CPVL: variants seen among roughly 807,000 people sequenced by gnomAD.
The protein encoded by CPVL is carboxypeptidase vitellogenic like.
Under a neutral mutation model 63.7 loss-of-function variants are expected in CPVL, and 51 were observed. That is an observed-to-expected ratio of 0.80 (90% confidence interval 0.64 to 1.01). CPVL has a LOEUF of 1.01. Among genes scored for constraint, CPVL ranks in the 50% least tolerant of loss-of-function variants. The probability of loss-of-function intolerance (pLI) is 0.00; values close to 1 mark genes in which losing one functional copy is unlikely to be tolerated. For synonymous variants in CPVL, 195 were observed against 206.0 expected, an observed-to-expected ratio of 0.95 and a Z score of 0.46; for missense variants, 530 against 573.1, an observed-to-expected ratio of 0.92 and a Z score of 0.77.
intron 1 of CPVL, among the ~76,000 whole-genome samples, chr7:29,123,628 A>AAAT (rs1562780901): frequency 6.7e-4 from 28 of 41,770 alleles, no homozygotes; most frequent in Non-Finnish European, 1.0e-3. Flanking sequence ...AAAAAAAAAA[A>AAAT]ATATATATAT....
At chr7:29,144,327 G>A (rs1456573235) in intron 1 of CPVL, among the ~76,000 whole-genome samples, 3 of 149,810 alleles carry the variant, frequency 2.0e-5, no homozygotes, top group Non-Finnish European at 4.5e-5. Context: ...TTGGAAGGCC[G>A]AGGTGGGAGG....
At chr7:29,048,611 C>T (rs1789848771) in intron 11 of CPVL, among the ~76,000 whole-genome samples, 1 of 152,082 alleles carries the variant, frequency 6.6e-6, no homozygotes, top group Non-Finnish European at 1.5e-5. Flanking sequence ...CCACTGACAG[C>T]ACTAGACAGG....
At chr7:29,137,786 T>G (rs1447246205) in intron 1 of CPVL, among the ~76,000 whole-genome samples, 3 of 152,214 alleles carry the variant, frequency 2.0e-5, no homozygotes, top group African/African-American at 7.2e-5. Flanking sequence ...TCATAGAATT[T>G]ATAGCATTTA....
chr7:29,146,955 C>G, upstream of CPVL: 1 of 1,551,078 alleles, frequency 6.4e-7, no homozygotes, highest in Non-Finnish European at 8.7e-7. Context: ...TCCAGCTGCA[C>G]TAGCAGTAAG....
At chr7:29,078,201 CAT>C (rs1302284671) in intron 7 of CPVL, among the ~76,000 whole-genome samples, 1 of 152,282 alleles carries the variant, frequency 6.6e-6, no homozygotes, top group Non-Finnish European at 1.5e-5. Context: ...AATCTACAGG[CAT>C]AGACATATAG....
At position 29,111,707 on chromosome 7, in the gene CPVL, C is replaced by G. The variant is rs1788250386; in HGVS notation, c.288+997G>C. ...GTCAGAGGCCATGTAGTTGAGAGAG[C>G]AGGAAAGAAAAGTCAAGAAAATATA... On this transcript the variant is annotated intron_variant, in intron 3 of 12. Transcript: ENST00000265394. Among the ~76,000 whole-genome samples, 2 of 152,070 alleles carry G rather than the reference C, an allele frequency of 1.3e-5. 1 individual carries two copies. Among genetic ancestry groups the G allele is most frequent in the African/African-American group, 4.8e-5 (2 of 41,414 alleles).
chr7:29,147,223 C>A, upstream of CPVL: 1 of 474,234 alleles, frequency 2.1e-6, no homozygotes, highest in Non-Finnish European at 3.8e-6. Flanking sequence ...GTTGCAATGG[C>A]AAGTAGATAA....
chr7:29,084,653 C>A (rs182901054), intron 7 of CPVL, among the ~76,000 whole-genome samples: 54 of 152,186 alleles, frequency 3.5e-4, no homozygotes, highest in African/African-American at 1.2e-3. Flanking sequence ...TTAAAATAAT[C>A]TTAAAAAGGA....
intron 3 of CPVL, among the ~76,000 whole-genome samples, chr7:29,103,456 T>C (rs113698604): frequency 1.3e-5 from 2 of 149,806 alleles, no homozygotes; most frequent in African/African-American, 4.9e-5. Context: ...GGTTTCACCA[T>C]GTTGGTGAGG....
intron 1 of CPVL, among the ~76,000 whole-genome samples, chr7:29,186,993 C>G (rs1190940730): frequency 6.6e-6 from 1 of 152,078 alleles, no homozygotes; most frequent in South Asian, 2.1e-4. Flanking sequence ...ATGAGGATAA[C>G]AATTCTCACT....
At chr7:29,056,461 CTTCT>C (rs1264387423) in intron 11 of CPVL, among the ~76,000 whole-genome samples, 3 of 152,158 alleles carry the variant, frequency 2.0e-5, no homozygotes, top group Non-Finnish European at 4.4e-5. Flanking sequence ...TTCAGATTGG[CTTCT>C]TTCACTCAGA....
chr7:29,077,311 T>A (rs60191378), intron 7 of CPVL, among the ~76,000 whole-genome samples: 39,982 of 150,316 alleles, frequency 0.27, 6,034 homozygotes, highest in East Asian at 0.6. Context: ...AAAAAAAAAA[T>A]AGATACACTT....
Position 29,137,025 on chromosome 7 carries a change from G to T in CPVL, c.-11+9404C>A, listed in dbSNP as rs537343142. Among the ~76,000 whole-genome samples the T allele has an allele frequency of 1.1e-4, 17 of 152,200 alleles. No homozygotes were observed. In the South Asian group the frequency reaches 3.3e-3, roughly 30 times the overall value. ...TTTATTGTGACTTGCCTGGACTACTGCAAACCTCCAAACTAGTTTCCAACC... is the reference window on the plus strand; with the variant it reads ...TTTATTGTGACTTGCCTGGACTACTTCAAACCTCCAAACTAGTTTCCAACC... On this transcript the variant is annotated intron_variant, in intron 1 of 12. Coordinates refer to ENST00000265394, the MANE Select transcript of CPVL (RefSeq NM_031311.5).
intron 12 of CPVL, among the ~76,000 whole-genome samples, chr7:29,029,810 C>T (rs1787856582): frequency 6.6e-6 from 1 of 151,882 alleles, no homozygotes; most frequent in Admixed American, 6.6e-5. Flanking sequence ...GAAATGTTCC[C>T]AATATAATGA....
intron 3 of CPVL, among the ~76,000 whole-genome samples, chr7:29,098,060 T>TCC (rs1786626611): frequency 6.6e-6 from 1 of 152,084 alleles, no homozygotes; most frequent in African/African-American, 2.4e-5. Flanking sequence ...CGTTGGATGG[T>TCC]TAGTCAGCAA....
intron 5 of CPVL, among the ~76,000 whole-genome samples, chr7:29,176,501 G>A (rs1336923970): frequency 1.3e-5 from 2 of 152,134 alleles, no homozygotes; most frequent in Admixed American, 6.5e-5. Context: ...TTAACTGTCA[G>A]CTTGAATCCT....
At chr7:29,189,835 C>CT (rs1782664497) in intron 1 of CPVL, among the ~76,000 whole-genome samples, 1 of 152,174 alleles carries the variant, frequency 6.6e-6, no homozygotes, top group South Asian at 2.1e-4. Context: ...CCAAGCCCCC[C>CT]TGCAGCTCAG....
intron 1 of CPVL, among the ~76,000 whole-genome samples, chr7:29,187,686 C>T (rs1217255706): frequency 6.6e-6 from 1 of 152,024 alleles, no homozygotes; most frequent in Non-Finnish European, 1.5e-5. Flanking sequence ...CGAGATTGCA[C>T]CATTGCACTC....
chr7:29,047,643 T>C (rs1334616849), intron 11 of CPVL, among the ~76,000 whole-genome samples: 2 of 152,198 alleles, frequency 1.3e-5, no homozygotes, highest in African/African-American at 4.8e-5. Flanking sequence ...AAAACTTCCC[T>C]GGCCTTGCTA....
Sources: allele counts gnomAD v4.1 joint callset (sites outside exome capture counted in the v4.1 genomes callset), GRCh38; gene constraint gnomAD v4.1.1; transcripts MANE v1.5; gene names NCBI Gene and HGNC (gene_info 2026-07-23, HGNC 2026-07-21).